Variants in GLG1 observed in about 807,000 individuals in gnomAD.
GLG1 encodes Golgi apparatus protein 1.
GLG1 carries 38 observed loss-of-function variants against 160.5 expected under a neutral mutation model. The observed-to-expected ratio is 0.24, with a 90% CI of 0.18 to 0.31. GLG1 has a LOEUF of 0.31. Among genes scored for constraint, GLG1 ranks in the 10% least tolerant of loss-of-function variants. The pLI, the probability that GLG1 is intolerant of heterozygous loss-of-function variation, is 1.00. For synonymous variants in GLG1, 644 were observed against 543.4 expected, an observed-to-expected ratio of 1.19 and a Z score of -2.57; for missense variants, 1,373 against 1,505.2, an observed-to-expected ratio of 0.91 and a Z score of 1.45.
chr16:74,592,810 G>A (rs1296223139), intron 1 of GLG1, among the ~76,000 whole-genome samples: 7 of 152,112 alleles, frequency 4.6e-5, no homozygotes, highest in Admixed American at 4.6e-4. Flanking sequence ...TATAATAGGT[G>A]TGTCCTCAGC....
intron 23 of GLG1, 25 bp from the exon 24 acceptor site, chr16:74,458,019 C>A: frequency 1.2e-6 from 2 of 1,611,312 alleles, no homozygotes; most frequent in Non-Finnish European, 1.7e-6. Flanking sequence ...TCATTGCAGA[C>A]AGAGCTTTTG....
intron 1 of GLG1, among the ~76,000 whole-genome samples, chr16:74,577,871 C>T (rs2019048418): frequency 6.6e-6 from 1 of 151,828 alleles, no homozygotes; most frequent in Non-Finnish European, 1.5e-5. Context: ...TCCACCTTGG[C>T]CTCCCAAAGT....
intron 4 of GLG1, among the ~76,000 whole-genome samples, chr16:74,502,083 T>C (rs907899977): frequency 6.6e-6 from 1 of 152,194 alleles, no homozygotes. Context: ...CCTTTGTCAG[T>C]GATAGACGCC....
chr16:74,556,730 G>C (rs944617210), intron 1 of GLG1, among the ~76,000 whole-genome samples: 1 of 148,450 alleles, frequency 6.7e-6, no homozygotes, highest in Non-Finnish European at 1.5e-5. Context: ...ACAAGGTCTT[G>C]CTCTGTCTCA....
chr16:74,459,205 G>A (rs1036264403), intron 23 of GLG1, among the ~76,000 whole-genome samples: 6 of 152,240 alleles, frequency 3.9e-5, no homozygotes, highest in South Asian at 2.1e-4. Context: ...TTGGCTGGGC[G>A]CGGTGGCTCA....
At position 74,483,120 on chromosome 16, in the gene GLG1, A is replaced by AAT; in HGVS notation, c.1575_1576insAT (p.Leu526IlefsTer5). On this transcript the variant is annotated frameshift_variant, in exon 10 of 26. Coordinates refer to ENST00000422840, the MANE Select transcript of GLG1 (RefSeq NM_001145667.2). LOFTEE classifies it high-confidence loss of function. ...TATAAATGTTCCATCAGGCACGACA[A>AAT]GATCCTAGCCATTAAATGTGTAAAA... 6.3e-7 allele frequency: 1 copy of AAT among 1,575,090 alleles called. No individual in the cohort carries two copies. The highest frequency in any genetic ancestry group is 8.7e-7 in the Non-Finnish European group (1 of 1,144,642).
chr16:74,564,375 G>A (rs903408599), intron 1 of GLG1, among the ~76,000 whole-genome samples: 5 of 152,152 alleles, frequency 3.3e-5, no homozygotes, highest in African/African-American at 9.7e-5. Context: ...TGGTTCATGC[G>A]AACTCTGGCT....
intron 1 of GLG1, among the ~76,000 whole-genome samples, chr16:74,545,792 T>G (rs896554868): frequency 2.0e-5 from 3 of 152,226 alleles, no homozygotes; most frequent in African/African-American, 7.2e-5. Context: ...GTCTCTTTTC[T>G]AAGTTTTACT....
At chr16:74,546,957 C>T (rs1292393383) in intron 1 of GLG1, among the ~76,000 whole-genome samples, 1 of 151,424 alleles carries the variant, frequency 6.6e-6, no homozygotes, top group Admixed American at 6.6e-5. Context: ...AGGCTTATCA[C>T]TGAGCAAAGG....
intron 1 of GLG1, among the ~76,000 whole-genome samples, chr16:74,534,507 G>C (rs972376439): frequency 6.6e-6 from 1 of 152,142 alleles, no homozygotes; most frequent in Non-Finnish European, 1.5e-5. Context: ...AAGAAATTTA[G>C]AGCATTGGAG....
chr16:74,484,209 C>T (rs1016337619), intron 9 of GLG1, among the ~76,000 whole-genome samples: 2 of 152,138 alleles, frequency 1.3e-5, no homozygotes, highest in African/African-American at 4.8e-5. Flanking sequence ...AGCAGGAGTT[C>T]TTGCATAGCA....
intron 1 of GLG1, among the ~76,000 whole-genome samples, chr16:74,588,371 G>C (rs1473706059): frequency 6.6e-6 from 1 of 152,112 alleles, no homozygotes; most frequent in African/African-American, 2.4e-5. Flanking sequence ...GAAAGACAGA[G>C]GCTTTGAATT....
intron 1 of GLG1, among the ~76,000 whole-genome samples, chr16:74,582,904 C>T (rs1326315470): frequency 6.6e-6 from 1 of 151,986 alleles, no homozygotes; most frequent in Non-Finnish European, 1.5e-5. Context: ...GGTATTCTAT[C>T]TCTTTTACCA....
chr16:74,589,262 A>T (rs1294629283), intron 1 of GLG1, among the ~76,000 whole-genome samples: 1 of 152,122 alleles, frequency 6.6e-6, no homozygotes, highest in Non-Finnish European at 1.5e-5. Context: ...GTCTCAAAAA[A>T]AAAAAAAGAA....
chr16:74,531,469 C>A (rs756806461), intron 2 of GLG1, among the ~76,000 whole-genome samples: 32 of 152,302 alleles, frequency 2.1e-4, no homozygotes, highest in Middle Eastern at 3.4e-3. Flanking sequence ...AAGGCATGCA[C>A]CGCCATGCCC....
intron 9 of GLG1, among the ~76,000 whole-genome samples, chr16:74,483,739 G>A (rs543294771): frequency 6.6e-6 from 1 of 151,354 alleles, no homozygotes; most frequent in Admixed American, 6.6e-5. Flanking sequence ...GCTCACGCAA[G>A]CTCCGCCTCC....
At chr16:74,469,141 A>C in intron 16 of GLG1, 78 bp from the exon 17 acceptor site, 1 of 888,582 alleles carries the variant, frequency 1.1e-6, no homozygotes, top group Non-Finnish European at 1.9e-6. Context: ...GGGGGGGGTC[A>C]CACCATTAAG....
At chr16:74,582,591 C>G (rs1267675958) in intron 1 of GLG1, among the ~76,000 whole-genome samples, 1 of 151,996 alleles carries the variant, frequency 6.6e-6, no homozygotes, top group Admixed American at 6.6e-5. Flanking sequence ...GAGGCCAAGG[C>G]AGGCGGATCA....
At chr16:74,554,894 T>C (rs1469753138) in intron 1 of GLG1, among the ~76,000 whole-genome samples, 2 of 152,192 alleles carry the variant, frequency 1.3e-5, no homozygotes, top group Non-Finnish European at 2.9e-5. Context: ...CATGCACGTA[T>C]AGTCCCAGTG....
Sources: allele counts gnomAD v4.1 joint callset (sites outside exome capture counted in the v4.1 genomes callset), GRCh38; gene constraint gnomAD v4.1.1; transcripts MANE v1.5; gene names NCBI Gene and HGNC (gene_info 2026-07-23, HGNC 2026-07-21).